The following ADNP variants were observed in gnomAD, a reference collection of about 807,000 sequenced individuals.
ADNP encodes activity-dependent neuroprotector homeobox protein.
Under a neutral mutation model 84.9 loss-of-function variants are expected in ADNP, and 4 were observed. The observed-to-expected ratio is 0.05, with a 90% CI of 0.02 to 0.11. ADNP has a LOEUF of 0.11. Among genes scored for constraint, ADNP ranks in the 10% least tolerant of loss-of-function variants. ADNP has a pLI of 1.00. For missense variants in ADNP, 1,132 were observed against 1,326.0 expected, an observed-to-expected ratio of 0.85 and a Z score of 2.27; for synonymous variants, 554 against 468.1, an observed-to-expected ratio of 1.18 and a Z score of -2.37.
chr20:50,930,548 G>C (rs1400917656), intron 1 of ADNP, among the ~76,000 whole-genome samples: 2 of 152,132 alleles, frequency 1.3e-5, no homozygotes, highest in African/African-American at 4.8e-5. Context: ...GCCAGGCAGA[G>C]TGCTGGCCTC....
chr20:50,925,839 G>A (rs1215657009), intron 2 of ADNP, among the ~76,000 whole-genome samples: 5 of 152,204 alleles, frequency 3.3e-5, no homozygotes, highest in African/African-American at 1.2e-4. Context: ...GGTGGCTCAC[G>A]CCTATAATCC....
At chr20:50,924,181 G>A (rs768303541) in intron 2 of ADNP, among the ~76,000 whole-genome samples, 15 of 152,280 alleles carry the variant, frequency 9.9e-5, no homozygotes, top group Non-Finnish European at 1.9e-4. Flanking sequence ...AGGACAGACT[G>A]ACTGTCTTAA....
chr20:50,911,740 C>T (rs1446710788), intron 2 of ADNP, among the ~76,000 whole-genome samples: 4 of 152,044 alleles, frequency 2.6e-5, no homozygotes, highest in African/African-American at 9.7e-5. Context: ...AAAGCATTTA[C>T]TAGTATCATC....
chr20:50,908,147 GTTTT>G lies in ADNP; in HGVS notation c.-89-3302_-89-3299del, dbSNP rs142605027. 7.1e-4 allele frequency among the ~76,000 whole-genome samples: 75 copies of G among 105,890 alleles called. 1 individual carries two copies. Among genetic ancestry groups the G allele is most frequent in the Middle Eastern group, 5.4e-3 (1 of 186 alleles). The allele number at this position is 105,890 out of a possible 152,430, so 69.5% of individuals were successfully genotyped here. On this transcript the variant is annotated intron_variant, in intron 2 of 5. Coordinates refer to ENST00000621696, the MANE Select transcript of ADNP (RefSeq NM_001282531.3). The stretch of plus-strand genomic sequence containing the variant: ...CAAAAGCATTTGCAAAGATTTTTCT[GTTTT>G]TTTTTTTTTTTTTTTTGCTTTAAAT...
At chr20:50,910,813 T>C (rs1335699515) in intron 2 of ADNP, among the ~76,000 whole-genome samples, 2 of 152,016 alleles carry the variant, frequency 1.3e-5, no homozygotes, top group South Asian at 4.2e-4. Flanking sequence ...CGCCACCACA[T>C]TCAGCTAATT....
At chr20:50,896,302 T>C (rs1214950976) in intron 5 of ADNP, among the ~76,000 whole-genome samples, 1 of 151,578 alleles carries the variant, frequency 6.6e-6, no homozygotes, top group Non-Finnish European at 1.5e-5. Context: ...ATGCCTATTC[T>C]ATAAGCTTAA....
intron 3 of ADNP, 136 bp from the exon 4 acceptor site, chr20:50,904,137 A>G: frequency 1.6e-6 from 1 of 623,388 alleles, no homozygotes; most frequent in East Asian, 2.7e-5. Context: ...TAGTGTGTAC[A>G]CACACAGACA....
chr20:50,894,575 G>T, intron 5 of ADNP, 63 bp from the exon 6 acceptor site: 1 of 1,497,602 alleles, frequency 6.7e-7, no homozygotes, highest in Non-Finnish European at 9.0e-7. Context: ...ACAGATTCCA[G>T]ATCCCCCCCG....
At position 50,893,356 on chromosome 20, in the gene ADNP, T is replaced by C. The variant is rs775270678; in HGVS notation, c.1358A>G (p.Asn453Ser). 3.9e-5 allele frequency: 63 copies of C among 1,614,122 alleles called. 1 individual carries two copies. The highest frequency in any genetic ancestry group is 1.7e-6 in the Non-Finnish European group (2 of 1,180,046). ...TQKWKICTICNELFPENVYSV... is the reference protein window; with the variant it reads ...TQKWKICTICSELFPENVYSV... Reference sequence around the variant, plus strand: ...ATAGACATTTTCAGGAAAAAGCTCATTACAGATTGTACATATTTTCCACTT... The same window carrying C: ...ATAGACATTTTCAGGAAAAAGCTCACTACAGATTGTACATATTTTCCACTT... Residue 453 changes from asparagine (N) to serine (S), a missense_variant, in exon 6 of 6, where the codon AAT becomes AGT. Physicochemically the swap from Asn to Ser is conservative, Grantham distance 46. This residue lies in a region of ADNP where 87 missense variants were observed against 181.4 expected (regional missense o/e 0.48). Transcript: ENST00000621696. The surrounding 1 kb of genome is among the most constrained non-coding windows in gnomAD (Gnocchi z 4.4).
In ADNP at chr20:50,893,678, A is replaced by C; in HGVS notation, c.1036T>G (p.Ser346Ala). ...SVGQGYSVGQ[S>A]MRLGLGGNAP... ...TTGCCACCTAGACCCAGTCTCATTG[A>C]CTGACCAACACTGTAACCCTGGCCT... The change falls in exon 6 of 6, where the codon TCA becomes GCA. Residue 346 changes from serine to alanine, a missense_variant. Physicochemically the swap from Ser to Ala is moderately conservative, Grantham distance 99 (BLOSUM62 1). Coordinates refer to ENST00000621696, the MANE Select transcript of ADNP (RefSeq NM_001282531.3). The surrounding 1 kb of genome is among the most constrained non-coding windows in gnomAD (Gnocchi z 4.4). The C allele has an allele frequency of 1.2e-6, 2 of 1,614,150 alleles. No individual in the cohort carries two copies. Among genetic ancestry groups the C allele is most frequent in the Non-Finnish European group, 1.7e-6 (2 of 1,180,042 alleles).
rs534319581 is a variant in ADNP at position 50,915,756 on chromosome 20, T to C, written c.-89-10907A>G. Among the ~76,000 whole-genome samples the C allele has an allele frequency of 2.0e-5, 3 of 152,180 alleles. No individual in the cohort carries two copies. The South Asian group carries it at 6.2e-4, about 32-fold the overall frequency. On this transcript the variant is annotated intron_variant, in intron 2 of 5. Coordinates refer to ENST00000621696, the MANE Select transcript of ADNP (RefSeq NM_001282531.3). ...GTTTAGTATCCTCTTTCCTTAAGTT[T>C]ACTAGAAAATGTACAGTAGTACTGA... is the stretch of plus-strand genomic sequence containing the variant.
At position 50,890,752 on chromosome 20, in the gene ADNP, C is replaced by A. The variant is rs187596094; in HGVS notation, c.*653G>T. ...TATCTTACGTGGCTGGCCTCTGTTG[C>A]AAGATTGTACAAGGTTATGTGCAAA... On this transcript the variant is annotated 3_prime_UTR_variant, in exon 6 of 6. Transcript: ENST00000621696. 1 of 199,112 alleles carries A rather than the reference C, an allele frequency of 5.0e-6. No homozygotes were observed. The highest frequency in any genetic ancestry group is 1.9e-4 in the East Asian group (1 of 5,404). The allele number at this position is 199,112 out of a possible 1,614,324, so 12.3% of individuals were successfully genotyped here.
At chr20:50,921,750 C>T (rs927800039) in intron 2 of ADNP, among the ~76,000 whole-genome samples, 5 of 152,180 alleles carry the variant, frequency 3.3e-5, no homozygotes, top group African/African-American at 7.2e-5. Context: ...AGCTGGGCAG[C>T]CAGAGGTCTG....
intron 2 of ADNP, among the ~76,000 whole-genome samples, chr20:50,926,703 T>TACAC (rs1984311668): frequency 6.6e-6 from 1 of 152,194 alleles, no homozygotes; most frequent in African/African-American, 2.4e-5. Flanking sequence ...TGTACATACA[T>TACAC]ACACACACCC....
At position 50,906,300 on chromosome 20, in the gene ADNP, A is replaced by G. The variant is rs565996613; in HGVS notation, c.-89-1451T>C. On this transcript the variant is annotated intron_variant, in intron 2 of 5. Transcript: ENST00000621696. ...TAGAAAAATATTTCAGAAATACAGA[A>G]AAGTGTCACAGGCTAATTCTGAAGA... Among the ~76,000 whole-genome samples, 7 of 152,320 alleles carry G rather than the reference A, an allele frequency of 4.6e-5. No individual in the cohort carries two copies. In the South Asian group the frequency reaches 1.2e-3, roughly 27 times the overall value.
intron 2 of ADNP, among the ~76,000 whole-genome samples, chr20:50,906,229 CACAT>C (rs1982461126): frequency 6.6e-6 from 1 of 152,000 alleles, no homozygotes. Context: ...AAACAAAAAA[CACAT>C]ACAGTTACTA....
chr20:50,894,153 T>A lies in ADNP; in HGVS notation c.561A>T (p.Glu187Asp). 1 of 1,614,200 alleles carries A rather than the reference T, an allele frequency of 6.2e-7. No individual in the cohort carries two copies. Among genetic ancestry groups the A allele is most frequent in the Non-Finnish European group, 8.5e-7 (1 of 1,180,020 alleles). Reference protein sequence around the residue: ...YEIVRKHIYREHFQHVAAPYI... With the variant: ...YEIVRKHIYRDHFQHVAAPYI... ...AAGGTGCTGCCACATGCTGAAAATGTTCCCTGTAAATGTGCTTCCTAACTA... is the reference window on the plus strand; with the variant it reads ...AAGGTGCTGCCACATGCTGAAAATGATCCCTGTAAATGTGCTTCCTAACTA... The change falls in exon 6 of 6, where the codon GAA (glutamate) becomes GAT (aspartate). Residue 187 changes from glutamate to aspartate, a missense_variant. Transcript: ENST00000621696.
rs1217476911 is a variant in ADNP at position 50,889,013 on chromosome 20, CCA to C, written c.*2390_*2391del. The C allele has an allele frequency of 2.0e-5, 3 of 152,154 alleles. No individual in the cohort carries two copies. Among genetic ancestry groups the C allele is most frequent in the African/African-American group, 7.2e-5 (3 of 41,440 alleles). 9.4% of individuals were successfully genotyped at this position (152,154 alleles called of 1,614,324 possible). A position where few individuals can be genotyped will look rare whatever the true frequency, so the allele number is the denominator to read the frequency against. On this transcript the variant is annotated 3_prime_UTR_variant, in exon 6 of 6. Transcript: ENST00000621696. ...AGCACGTTGCCATAGCCAACGATCT[CCA>C]GATTATTTGAAAAGCAAACAGTAGC...
chr20:50,891,163 C>A lies in ADNP; in HGVS notation c.*242G>T. 1 of 1,288,262 alleles carries A rather than the reference C, an allele frequency of 7.8e-7. No homozygotes were observed. The highest frequency in any genetic ancestry group is 9.8e-7 in the Non-Finnish European group (1 of 1,021,094). The allele number at this position is 1,288,262 out of a possible 1,614,324, so 79.8% of individuals were successfully genotyped here. The stretch of plus-strand genomic sequence containing the variant: ...ACCTCTGCTTTTCCTCGTGTGTATT[C>A]ATGAGTCACCAGCTTATTGGTTTTT... On this transcript the variant is annotated 3_prime_UTR_variant, in exon 6 of 6. Coordinates refer to ENST00000621696, the MANE Select transcript of ADNP (RefSeq NM_001282531.3).
Sources: allele counts gnomAD v4.1 joint callset (sites outside exome capture counted in the v4.1 genomes callset), GRCh38; gene constraint gnomAD v4.1.1; regional missense constraint gnomAD v4.1.1; non-coding constraint Gnocchi (gnomAD v3.1); transcripts MANE v1.5; gene names NCBI Gene and HGNC (gene_info 2026-07-23, HGNC 2026-07-21).